Variants in LNP1 observed in about 807,000 individuals in gnomAD.
LNP1 encodes leukemia NUP98 fusion partner 1.
A neutral mutation model predicts 14.5 loss-of-function variants in LNP1; 12 were observed. That is an observed-to-expected ratio of 0.83 (90% CI 0.53 to 1.34). The LOEUF is 1.34. Ranked by LOEUF, LNP1 falls within the 40% of genes most tolerant of loss-of-function variation. The pLI is 0.00. For missense variants in LNP1, 198 were observed against 210.9 expected (o/e 0.94, Z 0.38); for synonymous variants, 75 against 71.4 (o/e 1.05, Z -0.26).
At chr3:100,411,199 A>G (rs1275822501) in intron 1 of LNP1, among the ~76,000 whole-genome samples, 2 of 152,072 alleles carry the variant, frequency 1.3e-5, no homozygotes, top group East Asian at 1.9e-4. Context: ...CTTCTTTGCT[A>G]TTTCTCCCTT....
chr3:100,451,914 C>T lies in LNP1; in HGVS notation c.352C>T (p.Gln118Ter). 1 of 1,613,768 alleles carries T rather than the reference C, an allele frequency of 6.2e-7. No individual in the cohort carries two copies. The part of the protein sequence containing the change: ...IEKFSESFER[Q>*]LCFRTKRSAS... ...GAAATTTTCAGAGTCCTTTGAACGGCAACTGTGCTTTAGAACCAAGCGTTC... is the reference window on the plus strand; with the variant it reads ...GAAATTTTCAGAGTCCTTTGAACGGTAACTGTGCTTTAGAACCAAGCGTTC... The change falls in exon 3 of 4, where the codon CAA (glutamine) becomes TAA (stop). Residue 118 changes from glutamine to a stop codon, truncating the protein, a stop_gained. Transcript: ENST00000383693. LOFTEE classifies it low-confidence loss of function (END_TRUNC).
rs541566934 is a variant in LNP1 at position 100,445,678 on chromosome 3, A to T, written c.157-6041A>T. On this transcript the variant is annotated intron_variant, in intron 2 of 3. Transcript: ENST00000383693. ...GATCATATCAAAGTTTTTGGTTTTT[A>T]AAAAAATATATTTAGAAAACCCCAT... Among the ~76,000 whole-genome samples the T allele has an allele frequency of 1.1e-4, 17 of 152,290 alleles. 1 individual carries two copies. In the East Asian group the frequency reaches 3.1e-3, roughly 28 times the overall value.
intron 1 of LNP1, among the ~76,000 whole-genome samples, chr3:100,411,487 G>GC (rs1240850200): frequency 6.6e-6 from 1 of 152,212 alleles, no homozygotes; most frequent in Non-Finnish European, 1.5e-5. Flanking sequence ...GAGGCCAGAT[G>GC]CCCCACTCTT....
At chr3:100,439,267 C>T (rs116257589) in intron 2 of LNP1, among the ~76,000 whole-genome samples, 2,180 of 149,458 alleles carry the variant, frequency 0.015, 28 homozygotes, top group African/African-American at 0.041. Context: ...GATATAACTA[C>T]GAAAAATACT....
At position 100,409,571 on chromosome 3, in the gene LNP1, C is replaced by T. The variant is rs1470594463; in HGVS notation, c.-34+7132C>T. 9.8e-3 allele frequency among the ~76,000 whole-genome samples: 1,113 copies of T among 114,032 alleles called. 12 individuals are homozygous for T. The highest frequency in any genetic ancestry group is 0.052 in the African/African-American group (1,081 of 20,612). 74.8% of individuals were successfully genotyped at this position (114,032 alleles called of 152,430 possible). On this transcript the variant is annotated intron_variant, in intron 1 of 3. Transcript: ENST00000383693. ...ATATATATACATACACACACACACACACACACACACACACACACACATATA... is the reference window on the plus strand; with the variant it reads ...ATATATATACATACACACACACACATACACACACACACACACACACATATA...
At chr3:100,443,279 A>G (rs1229860744) in intron 2 of LNP1, among the ~76,000 whole-genome samples, 1 of 152,226 alleles carries the variant, frequency 6.6e-6, no homozygotes, top group African/African-American at 2.4e-5. Flanking sequence ...ATTGAAAAAC[A>G]TTAGGCAAGA....
intron 2 of LNP1, among the ~76,000 whole-genome samples, chr3:100,433,908 G>C (rs187185428): frequency 3.8e-4 from 58 of 152,140 alleles, no homozygotes; most frequent in Non-Finnish European, 6.5e-4. Context: ...TTTTTGATGG[G>C]TTTGTTTGTT....
intron 3 of LNP1, among the ~76,000 whole-genome samples, chr3:100,455,453 G>A (rs546430241): frequency 5.8e-4 from 89 of 152,216 alleles, no homozygotes; most frequent in African/African-American, 1.5e-3. Flanking sequence ...GCCACTTTCC[G>A]TTTCAAAAAG....
rs1178769327 is a variant in LNP1 at position 100,409,104 on chromosome 3, T to C, written c.-34+6665T>C. 2.6e-5 allele frequency among the ~76,000 whole-genome samples: 4 copies of C among 152,262 alleles called. No individual in the cohort carries two copies. The East Asian group carries it at 7.8e-4, about 30-fold the overall frequency. ...GTAAAGCAGATTGCCCTCAGTGTGG[T>C]TGGCCCTCATTCAATCAGATGAGGG... On this transcript the variant is annotated intron_variant, in intron 1 of 3. Transcript: ENST00000383693.
At chr3:100,449,161 G>A (rs970652805) in intron 2 of LNP1, among the ~76,000 whole-genome samples, 1 of 152,066 alleles carries the variant, frequency 6.6e-6, no homozygotes, top group African/African-American at 2.4e-5. Context: ...CTGAGCTTTG[G>A]GCAGAGCCCA....
At chr3:100,409,678 A>G (rs2148898820) in intron 1 of LNP1, among the ~76,000 whole-genome samples, 1 of 149,976 alleles carries the variant, frequency 6.7e-6, no homozygotes, top group South Asian at 2.1e-4. Flanking sequence ...GCTCACTGCA[A>G]CTTCCGCCTC....
chr3:100,453,292 C>G (rs1707476994), intron 3 of LNP1, among the ~76,000 whole-genome samples: 1 of 152,038 alleles, frequency 6.6e-6, no homozygotes, highest in Non-Finnish European at 1.5e-5. Context: ...TGTCATTTTA[C>G]TGTATCTAAA....
At chr3:100,453,262 A>G (rs1707476825) in intron 3 of LNP1, among the ~76,000 whole-genome samples, 2 of 152,038 alleles carry the variant, frequency 1.3e-5, no homozygotes, top group South Asian at 4.2e-4. Flanking sequence ...AGGAACAAGG[A>G]AGGGAGAATA....
Position 100,456,110 on chromosome 3 carries a change from C to T in LNP1, c.*184C>T, listed in dbSNP as rs1707508553. The T allele has an allele frequency of 3.6e-6, 2 of 549,422 alleles. No homozygotes were observed. Among genetic ancestry groups the T allele is most frequent in the East Asian group, 3.1e-5 (1 of 32,248 alleles). The allele number at this position is 549,422 out of a possible 1,614,324, so 34.0% of individuals were successfully genotyped here. On this transcript the variant is annotated 3_prime_UTR_variant, in exon 4 of 4. Transcript: ENST00000383693. ...GTAGCTGCTCCAAGATGACTTGCATCATACCCCAATTACTGCTGGCATCTT... is the reference window on the plus strand; with the variant it reads ...GTAGCTGCTCCAAGATGACTTGCATTATACCCCAATTACTGCTGGCATCTT...
At chr3:100,409,323 T>C (rs1009361714) in intron 1 of LNP1, among the ~76,000 whole-genome samples, 1 of 152,086 alleles carries the variant, frequency 6.6e-6, no homozygotes, top group African/African-American at 2.4e-5. Context: ...GCTTGTTTAC[T>C]ATAGGTCTTA....
chr3:100,455,411 A>T (rs1365841252), intron 3 of LNP1, among the ~76,000 whole-genome samples: 2 of 152,224 alleles, frequency 1.3e-5, no homozygotes, highest in East Asian at 3.8e-4. Context: ...GAACACAGAA[A>T]GCTAAGAATC....
At chr3:100,433,840 T>A (rs1707266193) in intron 2 of LNP1, among the ~76,000 whole-genome samples, 1 of 152,132 alleles carries the variant, frequency 6.6e-6, no homozygotes, top group Non-Finnish European at 1.5e-5. Flanking sequence ...TTTTCATATG[T>A]TTTTTTGGCC....
chr3:100,435,362 G>T (rs1211493344), intron 2 of LNP1, among the ~76,000 whole-genome samples: 1 of 152,180 alleles, frequency 6.6e-6, no homozygotes, highest in East Asian at 1.9e-4. Flanking sequence ...AGCTGCTTGA[G>T]CTCTCTTTGC....
intron 1 of LNP1, among the ~76,000 whole-genome samples, chr3:100,413,914 C>T (rs1345094846): frequency 6.6e-6 from 1 of 152,180 alleles, no homozygotes; most frequent in Non-Finnish European, 1.5e-5. Context: ...ACCTGAGAGC[C>T]TCTAGTCTGT....
Sources: gnomAD v4.1 joint callset for allele counts (sites outside exome capture counted in the v4.1 genomes callset) on GRCh38, gnomAD v4.1.1 for gene constraint, MANE v1.5 for transcripts, NCBI Gene and HGNC (gene_info 2026-07-23, HGNC 2026-07-21) for gene names.